MS4A5: variants seen among roughly 807,000 people sequenced by gnomAD.
MS4A5 encodes the protein membrane-spanning 4-domains subfamily A member 5.
In MS4A5, 15 loss-of-function variants were observed where a neutral mutation model predicts 18.2. The ratio of observed to expected loss-of-function variants is 0.83; its 90% CI spans 0.55 to 1.27. MS4A5 has a LOEUF of 1.27. Ranked by LOEUF, MS4A5 falls within the 50% of genes most tolerant of loss-of-function variation. The pLI is 0.00. For missense variants in MS4A5, 232 were observed against 225.7 expected (o/e 1.03, Z -0.18); for synonymous variants, 89 against 78.7 (o/e 1.13, Z -0.69).
At chr11:60,437,311 C>G (rs1375622002) in intron 4 of MS4A5, among the ~76,000 whole-genome samples, 8 of 147,936 alleles carry the variant, frequency 5.4e-5, no homozygotes, top group Admixed American at 1.4e-4. Context: ...CCAGCCGCTG[C>G]AAAATCATGC....
At chr11:60,441,456 T>TTA (rs2086111710) in intron 4 of MS4A5, among the ~76,000 whole-genome samples, 1 of 105,822 alleles carries the variant, frequency 9.4e-6, no homozygotes, top group Non-Finnish European at 1.9e-5. Context: ...AAAAGGCCAT[T>TTA]AAAAAAAAAA....
chr11:60,437,599 CA>C (rs958618944), intron 4 of MS4A5, among the ~76,000 whole-genome samples: 1 of 150,734 alleles, frequency 6.6e-6, no homozygotes, highest in Non-Finnish European at 1.5e-5. Flanking sequence ...AAATGGAAAA[CA>C]AAAAAAGGCA....
chr11:60,445,274 T>C (rs2086133030), intron 4 of MS4A5, among the ~76,000 whole-genome samples: 1 of 152,094 alleles, frequency 6.6e-6, no homozygotes. Flanking sequence ...TCTTTTTTTT[T>C]TTTGAGATGA....
In MS4A5 at chr11:60,430,941, A is replaced by C. The variant is rs746100627; in HGVS notation, c.282+17A>C. The C allele has an allele frequency of 1.5e-4, 239 of 1,600,012 alleles. No homozygotes were observed. The highest frequency in any genetic ancestry group is 2.0e-4 in the Non-Finnish European group (232 of 1,176,806). On this transcript the variant is annotated intron_variant, in intron 2 of 4. Transcript: ENST00000300190. ...TCTGTTTTGGTGAGTATAGTCAATC[A>C]AGTTCAATTTGAAGCCATGCCAACC...
chr11:60,429,897 A>C, intron 1 of MS4A5, 70 bp downstream of exon 1: 1 of 1,448,382 alleles, frequency 6.9e-7, no homozygotes, highest in Non-Finnish European at 9.4e-7. Flanking sequence ...ATCTGTTGGC[A>C]CATGTTTGAA....
chr11:60,440,635 T>C (rs2086106340), intron 4 of MS4A5, among the ~76,000 whole-genome samples: 1 of 150,566 alleles, frequency 6.6e-6, no homozygotes, highest in Non-Finnish European at 1.5e-5. Flanking sequence ...CAGACACTTC[T>C]TAAAAGAAGA....
At chr11:60,433,115 A>C (rs1471593221) in intron 3 of MS4A5, among the ~76,000 whole-genome samples, 1 of 152,210 alleles carries the variant, frequency 6.6e-6, no homozygotes, top group Non-Finnish European at 1.5e-5. Context: ...TTACTTATTC[A>C]TTCTTTTTTG....
intron 4 of MS4A5, among the ~76,000 whole-genome samples, chr11:60,437,295 C>T (rs1446421781): frequency 4.1e-4 from 60 of 146,492 alleles, no homozygotes; most frequent in South Asian, 1.6e-3. Flanking sequence ...AAAGGAACAA[C>T]TGGTACCAGC....
chr11:60,434,048 T>A (rs377473320), intron 4 of MS4A5, 131 bp downstream of exon 4: 2 of 829,136 alleles, frequency 2.4e-6, no homozygotes, highest in African/African-American at 1.7e-5. Context: ...ATTTATGAAA[T>A]CCATAATATT....
At chr11:60,431,910 A>G (rs1397118423) in intron 2 of MS4A5, among the ~76,000 whole-genome samples, 1 of 152,210 alleles carries the variant, frequency 6.6e-6, no homozygotes, top group Non-Finnish European at 1.5e-5. Flanking sequence ...TGCTGTAATC[A>G]GATTTGAAAT....
At position 60,446,796 on chromosome 11, in the gene MS4A5, A is replaced by C. The variant is rs76969709; in HGVS notation, c.493-853A>C. ...GGTGAACTACTAGCGTATGCTTCTT[A>C]TGTCTCTTTCGCTTTCTCTTTTACT... is the stretch of plus-strand genomic sequence containing the variant. On this transcript the variant is annotated intron_variant, in intron 4 of 4. Coordinates refer to ENST00000300190, the MANE Select transcript of MS4A5 (RefSeq NM_023945.3). 2.1e-4 allele frequency among the ~76,000 whole-genome samples: 31 copies of C among 150,722 alleles called. 1 individual carries two copies. The East Asian group carries it at 4.1e-3, about 20-fold the overall frequency.
chr11:60,435,915 T>A (rs1175132046), intron 4 of MS4A5, among the ~76,000 whole-genome samples: 1 of 152,226 alleles, frequency 6.6e-6, no homozygotes, highest in African/African-American at 2.4e-5. Flanking sequence ...AAGCTCCAAC[T>A]GGGTGGATCC....
chr11:60,442,163 A>G (rs1565188862), intron 4 of MS4A5, among the ~76,000 whole-genome samples: 1 of 152,222 alleles, frequency 6.6e-6, no homozygotes, highest in African/African-American at 2.4e-5. Context: ...AACTACAATT[A>G]TAATACTGTC....
chr11:60,434,183 TA>T (rs58957410), intron 4 of MS4A5, among the ~76,000 whole-genome samples: 29 of 146,974 alleles, frequency 2.0e-4, no homozygotes, highest in East Asian at 5.9e-4. Flanking sequence ...AATATAAATC[TA>T]AAAAAAAAAG....
intron 4 of MS4A5, chr11:60,435,520 C>G: frequency 2.6e-6 from 1 of 387,030 alleles, no homozygotes; most frequent in South Asian, 2.0e-5. Context: ...TCTGAGGTAC[C>G]CGGTTCATCT....
rs866983313 is a variant in MS4A5 at position 60,441,829 on chromosome 11, C to T, written c.493-5820C>T. On this transcript the variant is annotated intron_variant, in intron 4 of 4. Coordinates refer to ENST00000300190, the MANE Select transcript of MS4A5 (RefSeq NM_023945.3). ...ACAACTGCATTCTGTTTACAAGAAACAGCTACACTAGTAACAAACAAATAG... is the reference window on the plus strand; with the variant it reads ...ACAACTGCATTCTGTTTACAAGAAATAGCTACACTAGTAACAAACAAATAG... 5.0e-4 allele frequency among the ~76,000 whole-genome samples: 76 copies of T among 152,038 alleles called. 1 individual carries two copies. The Middle Eastern group carries it at 0.027, about 55-fold the overall frequency.
intron 4 of MS4A5, chr11:60,435,396 C>T: frequency 2.2e-6 from 1 of 447,492 alleles, no homozygotes; most frequent in Non-Finnish European, 4.5e-6. Flanking sequence ...CAATATTTAT[C>T]ATGTTTTAAG....
intron 4 of MS4A5, among the ~76,000 whole-genome samples, chr11:60,445,900 G>A (rs906832392): frequency 6.6e-6 from 1 of 152,176 alleles, no homozygotes; most frequent in Non-Finnish European, 1.5e-5. Context: ...CAATGTTCTT[G>A]TATATCAGGA....
At chr11:60,433,743 T>C (rs372671119) in intron 3 of MS4A5, 22 bp from the exon 4 acceptor site, 3 of 1,611,500 alleles carry the variant, frequency 1.9e-6, no homozygotes, top group Non-Finnish European at 2.5e-6. Context: ...AGTCACATTG[T>C]TATGTTCTTA....
Sources: gnomAD v4.1 joint callset for allele counts (sites outside exome capture counted in the v4.1 genomes callset) on GRCh38, gnomAD v4.1.1 for gene constraint, MANE v1.5 for transcripts, NCBI Gene and HGNC (gene_info 2026-07-23, HGNC 2026-07-21) for gene names.